Variants in PLAC8L1 observed in about 807,000 individuals in gnomAD.
The protein encoded by PLAC8L1 is PLAC8-like protein 1.
Under a neutral mutation model 16.3 loss-of-function variants are expected in PLAC8L1, and 13 were observed. The ratio of observed to expected loss-of-function variants is 0.80; its 90% confidence interval spans 0.52 to 1.27. PLAC8L1 has a LOEUF of 1.27. Among genes scored for constraint, PLAC8L1 ranks in the 50% most tolerant of loss-of-function variants. The pLI, the probability that PLAC8L1 is intolerant of heterozygous loss-of-function variation, is 0.00. For synonymous variants in PLAC8L1, 78 were observed against 79.3 expected (o/e 0.98, Z 0.09); for missense variants, 184 against 220.2 (o/e 0.84, Z 1.04).
chr5:146,088,397 T>G (rs894201661), intron 2 of PLAC8L1, among the ~76,000 whole-genome samples: 15 of 152,190 alleles, frequency 9.9e-5, no homozygotes, highest in African/African-American at 3.6e-4. Context: ...TACCATGACA[T>G]CAGCACACTG....
chr5:146,089,381 C>T (rs1336029198), intron 2 of PLAC8L1, among the ~76,000 whole-genome samples: 2 of 152,126 alleles, frequency 1.3e-5, no homozygotes, highest in African/African-American at 2.4e-5. Flanking sequence ...ACAGAGTTCA[C>T]TATGTACCAA....
intron 2 of PLAC8L1, among the ~76,000 whole-genome samples, chr5:146,096,845 G>T (rs1030064642): frequency 5.3e-5 from 8 of 152,216 alleles, no homozygotes; most frequent in African/African-American, 1.9e-4. Flanking sequence ...GAGAACCAGA[G>T]AACAGCTTCC....
Position 146,085,444 on chromosome 5 carries a change from C to CAT in PLAC8L1, c.393+16_393+17insAT. 1.9e-6 allele frequency: 3 copies of CAT among 1,612,784 alleles called. No individual in the cohort carries two copies. Among genetic ancestry groups the CAT allele is most frequent in the Non-Finnish European group, 2.5e-6 (3 of 1,179,248 alleles). On this transcript the variant is annotated intron_variant, in intron 3 of 3. Coordinates refer to ENST00000311450, the MANE Select transcript of PLAC8L1 (RefSeq NM_001029869.3). ...TCATACAGATTCGGGTTCACGTATA[C>CAT]CTTCAAACACACTTACCTGTATTTT...
intron 2 of PLAC8L1, among the ~76,000 whole-genome samples, chr5:146,094,122 G>A (rs574104607): frequency 2.4e-4 from 36 of 152,120 alleles, no homozygotes; most frequent in African/African-American, 5.5e-4. Flanking sequence ...TCACTCTGTC[G>A]CCCAGGCTGG....
rs981956579 is a variant in PLAC8L1 at position 146,097,621 on chromosome 5, C to T, written c.256+535G>A. 2.4e-4 allele frequency among the ~76,000 whole-genome samples: 37 copies of T among 152,150 alleles called. 2 individuals are homozygous for T. The highest frequency in any genetic ancestry group is 1.3e-4 in the Admixed American group (2 of 15,274). On this transcript the variant is annotated intron_variant, in intron 2 of 3. Transcript: ENST00000311450. ...TCTTTTCATCTCATTAAATATTATT[C>T]TACAATATGACTTTTCGTGGCTGTA...
intron 1 of PLAC8L1, among the ~76,000 whole-genome samples, chr5:146,101,196 CAAAAAAAAAAAAAA>C (rs35143616): frequency 1.2e-5 from 1 of 82,178 alleles, no homozygotes; most frequent in Non-Finnish European, 2.3e-5. Flanking sequence ...GACCCTGTCT[CAAAAAAAAAAAAAA>C]AAAAAAAAAA....
chr5:146,084,399 G>C lies in PLAC8L1; in HGVS notation c.*33C>G. 9.3e-6 allele frequency: 15 copies of C among 1,609,622 alleles called. No individual in the cohort carries two copies. Among genetic ancestry groups the C allele is most frequent in the Non-Finnish European group, 1.3e-5 (15 of 1,176,972 alleles). The stretch of plus-strand genomic sequence containing the variant: ...CCACTGAGAGGTTTGAGAGGAGGGT[G>C]TTGGGGAGTAAGGAGGAGGAGTTAT... On this transcript the variant is annotated 3_prime_UTR_variant, in exon 4 of 4. Coordinates refer to ENST00000311450, the MANE Select transcript of PLAC8L1 (RefSeq NM_001029869.3).
At chr5:146,088,976 A>G (rs998672664) in intron 2 of PLAC8L1, among the ~76,000 whole-genome samples, 2 of 152,240 alleles carry the variant, frequency 1.3e-5, no homozygotes, top group African/African-American at 4.8e-5. Context: ...AATAAAAAAA[A>G]TTAATCAAAA....
At chr5:146,092,228 G>T (rs1364479191) in intron 2 of PLAC8L1, among the ~76,000 whole-genome samples, 1 of 152,192 alleles carries the variant, frequency 6.6e-6, no homozygotes, top group Non-Finnish European at 1.5e-5. Context: ...ACAATGAGAT[G>T]CTCAGAAAAG....
chr5:146,096,357 CA>C (rs1763718149), intron 2 of PLAC8L1, among the ~76,000 whole-genome samples: 3 of 152,272 alleles, frequency 2.0e-5, no homozygotes, highest in Non-Finnish European at 4.4e-5. Context: ...TCCAGGTGAA[CA>C]TGGATTTTAA....
At chr5:146,100,500 CA>C (rs1296066972) in intron 1 of PLAC8L1, among the ~76,000 whole-genome samples, 3 of 148,610 alleles carry the variant, frequency 2.0e-5, no homozygotes, top group Non-Finnish European at 4.5e-5. Flanking sequence ...TCTAGCATGT[CA>C]ATTTTATTAA....
intron 3 of PLAC8L1, 30 bp downstream of exon 3, chr5:146,085,431 G>C (rs774821801): frequency 1.3e-6 from 2 of 1,598,394 alleles, no homozygotes; most frequent in Non-Finnish European, 1.7e-6. Flanking sequence ...ATACAGATTC[G>C]GGTTCACGTA....
chr5:146,090,403 C>G (rs1007799658), intron 2 of PLAC8L1, among the ~76,000 whole-genome samples: 2 of 151,192 alleles, frequency 1.3e-5, no homozygotes, highest in Non-Finnish European at 2.9e-5. Flanking sequence ...GTGGTAGTGG[C>G]GTGTGCCTGT....
intron 2 of PLAC8L1, among the ~76,000 whole-genome samples, chr5:146,086,144 G>A (rs998805007): frequency 6.9e-6 from 1 of 144,288 alleles, no homozygotes; most frequent in Non-Finnish European, 1.5e-5. Context: ...ATTCTCCTGC[G>A]TCAGCCTCCC....
At chr5:146,084,650 C>T (rs1763479020) in intron 3 of PLAC8L1, 78 bp from the exon 4 acceptor site, 2 of 1,539,962 alleles carry the variant, frequency 1.3e-6, no homozygotes, top group African/African-American at 1.4e-5. Flanking sequence ...ACAATGTTAC[C>T]TCCTGGCCCT....
At chr5:146,087,051 C>G (rs978373929) in intron 2 of PLAC8L1, among the ~76,000 whole-genome samples, 1 of 152,198 alleles carries the variant, frequency 6.6e-6, no homozygotes, top group African/African-American at 2.4e-5. Flanking sequence ...CCGTTGCCCA[C>G]TAGAGGCAAC....
chr5:146,091,853 T>C (rs1247847346), intron 2 of PLAC8L1, among the ~76,000 whole-genome samples: 3 of 152,180 alleles, frequency 2.0e-5, no homozygotes, highest in South Asian at 2.1e-4. Context: ...TTTTCTGTAA[T>C]GTTTCATTTT....
chr5:146,103,659 T>C, intron 1 of PLAC8L1: 1 of 985,248 alleles, frequency 1.0e-6, no homozygotes, highest in Middle Eastern at 5.2e-4. Flanking sequence ...CTAACTCCTG[T>C]TAAAGTTTGA....
At chr5:146,094,636 A>C (rs1441871000) in intron 2 of PLAC8L1, among the ~76,000 whole-genome samples, 1 of 152,192 alleles carries the variant, frequency 6.6e-6, no homozygotes, top group Admixed American at 6.5e-5. Flanking sequence ...ACCTCAGTTT[A>C]ATCTTCACAT....
Sources: allele counts gnomAD v4.1 joint callset (sites outside exome capture counted in the v4.1 genomes callset), GRCh38; gene constraint gnomAD v4.1.1; transcripts MANE v1.5; gene names NCBI Gene and HGNC (gene_info 2026-07-23, HGNC 2026-07-21).